Variants in CDH18 observed in about 807,000 individuals in gnomAD.
CDH18 encodes cadherin 18.
Under a neutral mutation model 67.9 loss-of-function variants are expected in CDH18, and 31 were observed. The observed-to-expected ratio is 0.46, with a 90% CI of 0.34 to 0.62. CDH18 has a LOEUF of 0.62. CDH18 is among the 20% of genes least tolerant of loss of function. The pLI is 0.01. For missense variants in CDH18, 890 were observed against 975.5 expected (o/e 0.91, Z 1.17); for synonymous variants, 362 against 347.2 (o/e 1.04, Z -0.48).
At chr5:19,913,122 T>C (rs950010249) in intron 2 of CDH18, among the ~76,000 whole-genome samples, 1 of 152,062 alleles carries the variant, frequency 6.6e-6, no homozygotes. Context: ...AAAATTGACA[T>C]CTTGAGTGTG....
chr5:19,761,545 A>G (rs1318675110), intron 3 of CDH18, among the ~76,000 whole-genome samples: 1 of 152,012 alleles, frequency 6.6e-6, no homozygotes, highest in Non-Finnish European at 1.5e-5. Flanking sequence ...CATATTAGGC[A>G]TCTAACTGCA....
intron 1 of CDH18, among the ~76,000 whole-genome samples, chr5:20,334,996 T>C (rs143404757): frequency 1.3e-5 from 2 of 152,318 alleles, no homozygotes; most frequent in African/African-American, 4.8e-5. Context: ...CTGGACACAG[T>C]TGATACCTTC....
chr5:20,381,758 G>A (rs1406729408), intron 1 of CDH18, among the ~76,000 whole-genome samples: 1 of 152,050 alleles, frequency 6.6e-6, no homozygotes, highest in East Asian at 1.9e-4. Flanking sequence ...GAGCTGTATA[G>A]GTTAGAGACC....
At chr5:19,720,001 G>A (rs1765869856) in intron 5 of CDH18, among the ~76,000 whole-genome samples, 1 of 152,042 alleles carries the variant, frequency 6.6e-6, no homozygotes, top group Non-Finnish European at 1.5e-5. Context: ...ATTCATGCCA[G>A]TGTATTTCCA....
intron 10 of CDH18, among the ~76,000 whole-genome samples, chr5:19,509,487 G>T (rs2126815573): frequency 6.6e-6 from 1 of 152,178 alleles, no homozygotes; most frequent in Middle Eastern, 3.4e-3. Context: ...CAATGCATCT[G>T]CTTCATAATA....
intron 2 of CDH18, among the ~76,000 whole-genome samples, chr5:20,055,475 T>A (rs2150498062): frequency 6.6e-6 from 1 of 152,356 alleles, no homozygotes; most frequent in South Asian, 2.1e-4. Flanking sequence ...GCAAGTGAGA[T>A]GAGTTCTGCA....
At chr5:20,046,495 C>A (rs2150481844) in intron 2 of CDH18, among the ~76,000 whole-genome samples, 1 of 151,480 alleles carries the variant, frequency 6.6e-6, no homozygotes, top group African/African-American at 2.4e-5. Flanking sequence ...ATTTATAAAG[C>A]TGGATTTTGA....
intron 1 of CDH18, among the ~76,000 whole-genome samples, chr5:20,559,566 T>G (rs989357011): frequency 2.3e-4 from 35 of 152,116 alleles, no homozygotes; most frequent in African/African-American, 8.0e-4. Context: ...GGACTTAGTA[T>G]GCGCTCAAAA....
intron 8 of CDH18, among the ~76,000 whole-genome samples, chr5:19,561,041 C>T (rs1739363022): frequency 6.6e-6 from 1 of 152,050 alleles, no homozygotes; most frequent in African/African-American, 2.4e-5. Context: ...GAAAAGGGAG[C>T]ACTTTTACAT....
At chr5:20,478,743 G>A (rs1176916734) in intron 1 of CDH18, among the ~76,000 whole-genome samples, 3 of 152,182 alleles carry the variant, frequency 2.0e-5, no homozygotes, top group African/African-American at 7.2e-5. Context: ...AAGAGCCCTT[G>A]GGCTTTGAGT....
intron 1 of CDH18, among the ~76,000 whole-genome samples, chr5:20,516,475 A>T (rs1755378604): frequency 6.6e-6 from 1 of 151,996 alleles, no homozygotes; most frequent in African/African-American, 2.4e-5. Context: ...AATACAGGTG[A>T]CTTTGGGCTG....
intron 1 of CDH18, among the ~76,000 whole-genome samples, chr5:20,463,089 T>C (rs1751385344): frequency 1.3e-5 from 2 of 152,202 alleles, no homozygotes; most frequent in African/African-American, 4.8e-5. Context: ...AATTCACTCA[T>C]AATTGAATTC....
intron 1 of CDH18, among the ~76,000 whole-genome samples, chr5:20,290,002 A>C (rs1746988749): frequency 1.3e-5 from 2 of 152,140 alleles, no homozygotes; most frequent in Non-Finnish European, 2.9e-5. Flanking sequence ...AATTTGAAAA[A>C]TGGTAGAAGT....
At chr5:19,890,012 C>G (rs1475573071) in intron 2 of CDH18, among the ~76,000 whole-genome samples, 2 of 152,138 alleles carry the variant, frequency 1.3e-5, no homozygotes, top group Admixed American at 1.3e-4. Context: ...TGTTTCCAAT[C>G]TCTAGTATAA....
At chr5:19,947,522 C>T (rs1008319217) in intron 2 of CDH18, among the ~76,000 whole-genome samples, 7 of 141,478 alleles carry the variant, frequency 4.9e-5, no homozygotes, top group African/African-American at 1.8e-4. Context: ...GGGTGGATTG[C>T]CTGAGCTCAG....
intron 1 of CDH18, among the ~76,000 whole-genome samples, chr5:20,394,773 G>A (rs1419816942): frequency 6.6e-6 from 1 of 151,948 alleles, no homozygotes; most frequent in African/African-American, 2.4e-5. Flanking sequence ...GTGGGCAAAT[G>A]ATATGAATAG....
At chr5:20,488,696 T>TAC (rs1465293724) in intron 1 of CDH18, among the ~76,000 whole-genome samples, 4 of 129,918 alleles carry the variant, frequency 3.1e-5, no homozygotes, top group East Asian at 2.4e-4. Flanking sequence ...TATATATATA[T>TAC]ATATACACAC....
chr5:19,806,782 C>A (rs1465651306), intron 3 of CDH18, among the ~76,000 whole-genome samples: 5 of 152,176 alleles, frequency 3.3e-5, no homozygotes, highest in African/African-American at 4.8e-5. Flanking sequence ...TTCTGAAAAC[C>A]TTTCTTCCCT....
intron 1 of CDH18, among the ~76,000 whole-genome samples, chr5:20,444,665 T>C (rs537360380): frequency 2.6e-5 from 4 of 152,320 alleles, no homozygotes; most frequent in Admixed American, 6.5e-5. Flanking sequence ...ATGGAATCCA[T>C]TGAAATTTTC....
Sources: gnomAD v4.1 joint callset for allele counts (sites outside exome capture counted in the v4.1 genomes callset) on GRCh38, gnomAD v4.1.1 for gene constraint, MANE v1.5 for transcripts, NCBI Gene and HGNC (gene_info 2026-07-23, HGNC 2026-07-21) for gene names.